DAAM1: variants seen among roughly 807,000 people sequenced by gnomAD.
DAAM1 encodes disheveled-associated activator of morphogenesis 1.
DAAM1 carries 52 observed loss-of-function variants against 130.0 expected under a neutral mutation model. The ratio of observed to expected loss-of-function variants is 0.40; its 90% CI spans 0.32 to 0.50. The LOEUF (loss-of-function observed/expected upper bound fraction) is 0.50. Ranked by LOEUF, DAAM1 falls within the 20% of genes least tolerant of loss-of-function variation. The pLI is 0.61. For synonymous variants in DAAM1, 452 were observed against 444.5 expected (o/e 1.02, Z -0.21); for missense variants, 1,134 against 1,303.8 (o/e 0.87, Z 2.01).
At chr14:59,274,159 A>G (rs1248661573) in intron 2 of DAAM1, among the ~76,000 whole-genome samples, 1 of 152,190 alleles carries the variant, frequency 6.6e-6, no homozygotes, top group African/African-American at 2.4e-5. Context: ...AAAAAGTTGC[A>G]GTATTTTTTC....
intron 19 of DAAM1, among the ~76,000 whole-genome samples, chr14:59,354,869 T>G (rs550962192): frequency 6.6e-6 from 1 of 152,348 alleles, no homozygotes; most frequent in South Asian, 2.1e-4. Flanking sequence ...GGGATTGCTA[T>G]TCTAGATATT....
At position 59,272,608 on chromosome 14, in the gene DAAM1, T is replaced by TATACACACAC. The variant is rs1228894453; in HGVS notation, c.183+8949_183+8950insTACACACACA. ...AACAAACAAACAAAATATATATATA[T>TATACACACAC]ACACACACACACACACACACACATA... On this transcript the variant is annotated intron_variant, in intron 2 of 24. Coordinates refer to ENST00000360909, the MANE Select transcript of DAAM1 (RefSeq NM_001270520.2). 9.5e-5 allele frequency among the ~76,000 whole-genome samples: 13 copies of TATACACACAC among 137,060 alleles called. No homozygotes were observed. In the East Asian group the frequency reaches 2.6e-3, roughly 27 times the overall value. The allele number at this position is 137,060 out of a possible 152,430, so 89.9% of individuals were successfully genotyped here. A position where few individuals can be genotyped will look rare whatever the true frequency, so the allele number is the denominator to read the frequency against.
intron 20 of DAAM1, 182 bp from the exon 21 acceptor site, chr14:59,359,215 C>T: frequency 2.0e-6 from 1 of 506,716 alleles, no homozygotes; most frequent in Non-Finnish European, 3.5e-6. Flanking sequence ...ATTCCTGTCT[C>T]TTGAGAATCC....
intron 1 of DAAM1, among the ~76,000 whole-genome samples, chr14:59,259,400 TG>T (rs2139498208): frequency 6.6e-6 from 1 of 152,332 alleles, no homozygotes; most frequent in South Asian, 2.1e-4. Flanking sequence ...AGGCTGAATG[TG>T]GGCCGTAGGA....
chr14:59,259,915 G>C (rs1882089325), intron 1 of DAAM1, among the ~76,000 whole-genome samples: 2 of 152,140 alleles, frequency 1.3e-5, no homozygotes, highest in Admixed American at 6.5e-5. Context: ...GTGGTGGCGG[G>C]CGTCTATAGT....
At chr14:59,244,377 C>A (rs950768667) in intron 1 of DAAM1, among the ~76,000 whole-genome samples, 2 of 152,028 alleles carry the variant, frequency 1.3e-5, no homozygotes, top group African/African-American at 4.8e-5. Context: ...AACAGACCAC[C>A]CCCTCTACAA....
In DAAM1 at chr14:59,216,761, A is replaced by G. The variant is rs1452630157; in HGVS notation, c.-38+27993A>G. Reference sequence around the variant, plus strand: ...AGTCAATTTCATATCACCATGAAGTATTGGAATTCTTTAAGATTAGAGTAA... The same window carrying G: ...AGTCAATTTCATATCACCATGAAGTGTTGGAATTCTTTAAGATTAGAGTAA... On this transcript the variant is annotated intron_variant, in intron 1 of 24. Transcript: ENST00000360909. Among the ~76,000 whole-genome samples, 6 of 152,226 alleles carry G rather than the reference A, an allele frequency of 3.9e-5. No individual in the cohort carries two copies. In the East Asian group the frequency reaches 9.6e-4, roughly 24 times the overall value.
At chr14:59,238,188 G>C (rs1010685036) in intron 1 of DAAM1, among the ~76,000 whole-genome samples, 2 of 152,154 alleles carry the variant, frequency 1.3e-5, no homozygotes, top group East Asian at 3.8e-4. Context: ...GAATTTCTCA[G>C]GATGTTTCTC....
intron 3 of DAAM1, among the ~76,000 whole-genome samples, chr14:59,293,687 T>C (rs1252993): frequency 0.77 from 116,793 of 152,092 alleles, 46,079 homozygotes; most frequent in East Asian, 0.91. Flanking sequence ...GGTAGCATTG[T>C]TTCACCAAAG....
chr14:59,309,498 A>G (rs753045370), intron 3 of DAAM1, among the ~76,000 whole-genome samples: 3 of 152,242 alleles, frequency 2.0e-5, no homozygotes, highest in Non-Finnish European at 4.4e-5. Flanking sequence ...TTAATCTAGC[A>G]CACAGGGGTT....
At chr14:59,254,564 A>G (rs977839923) in intron 1 of DAAM1, among the ~76,000 whole-genome samples, 2 of 152,288 alleles carry the variant, frequency 1.3e-5, no homozygotes, top group African/African-American at 2.4e-5. Flanking sequence ...CTCACAGACT[A>G]GCAACAGGTC....
intron 1 of DAAM1, among the ~76,000 whole-genome samples, chr14:59,234,728 C>A (rs759447345): frequency 2.8e-4 from 42 of 152,124 alleles, no homozygotes; most frequent in Admixed American, 1.0e-3. Context: ...AAGCTTCTAG[C>A]TTTTGCCCAT....
intron 11 of DAAM1, 69 bp from the exon 12 acceptor site, chr14:59,326,864 G>C: frequency 6.3e-7 from 1 of 1,591,104 alleles, no homozygotes; most frequent in Non-Finnish European, 8.6e-7. Flanking sequence ...TTTTGTACCT[G>C]GGGAGAATGC....
At position 59,325,655 on chromosome 14, in the gene DAAM1, A is replaced by C. The variant is rs1566704559; in HGVS notation, c.990-9A>C. On this transcript the variant is annotated splice_polypyrimidine_tract_variant and intron_variant, in intron 8 of 24. Transcript: ENST00000360909. ...TCTACTTAATAACTTTTCTTTCATT[A>C]TTTTTCAGGCATTTAGACTTTTTTG... is the stretch of plus-strand genomic sequence containing the variant. 1 of 1,613,046 alleles carries C rather than the reference A, an allele frequency of 6.2e-7. No individual in the cohort carries two copies. The highest frequency in any genetic ancestry group is 8.5e-7 in the Non-Finnish European group (1 of 1,179,532).
At chr14:59,251,591 T>C (rs557836184) in intron 1 of DAAM1, among the ~76,000 whole-genome samples, 155 of 152,162 alleles carry the variant, frequency 1.0e-3, no homozygotes, top group Non-Finnish European at 1.8e-3. Flanking sequence ...GGAAGTTTTA[T>C]AGCTGACATA....
chr14:59,280,171 A>C (rs1883146026), intron 2 of DAAM1, among the ~76,000 whole-genome samples: 1 of 142,700 alleles, frequency 7.0e-6, no homozygotes, highest in African/African-American at 2.8e-5. Flanking sequence ...CTAAGGTGTT[A>C]AGTGTTACTT....
chr14:59,297,104 C>T (rs1437508798), intron 3 of DAAM1, among the ~76,000 whole-genome samples: 1 of 152,136 alleles, frequency 6.6e-6, no homozygotes, highest in Non-Finnish European at 1.5e-5. Flanking sequence ...CAGTAAAAAC[C>T]ACCCTGCCAA....
At chr14:59,341,488 C>T (rs1268737129) in intron 16 of DAAM1, among the ~76,000 whole-genome samples, 1 of 152,196 alleles carries the variant, frequency 6.6e-6, no homozygotes, top group Admixed American at 6.5e-5. Context: ...ACTGCATTCA[C>T]ATAACTTTTA....
At chr14:59,327,304 G>A (rs913000207) in intron 12 of DAAM1, among the ~76,000 whole-genome samples, 3 of 150,820 alleles carry the variant, frequency 2.0e-5, no homozygotes, top group Non-Finnish European at 4.4e-5. Flanking sequence ...CCCCTACTCC[G>A]TCATGGCTCT....
Sources: allele counts gnomAD v4.1 joint callset (sites outside exome capture counted in the v4.1 genomes callset), GRCh38; gene constraint gnomAD v4.1.1; transcripts MANE v1.5; gene names NCBI Gene and HGNC (gene_info 2026-07-23, HGNC 2026-07-21).